LTF: variants seen among roughly 807,000 people sequenced by gnomAD.
LTF encodes the protein epididymis luminal protein 110.
Under a neutral mutation model 87.2 loss-of-function variants are expected in LTF, and 91 were observed. The observed-to-expected ratio is 1.04, with a 90% CI of 0.88 to 1.24. The LOEUF is 1.24. Ranked by LOEUF, LTF falls within the 50% of genes most tolerant of loss-of-function variation. The probability of loss-of-function intolerance (pLI) is 0.00; values close to 1 mark genes in which losing one functional copy is unlikely to be tolerated. For missense variants in LTF, 901 were observed against 904.3 expected (o/e 1.00, Z 0.05); for synonymous variants, 378 against 356.1 (o/e 1.06, Z -0.69).
Position 46,443,586 on chromosome 3 carries a change from G to A in LTF, c.1514-4C>T, listed in dbSNP as rs879176243. On this transcript the variant is annotated splice_region_variant and splice_polypyrimidine_tract_variant and intron_variant, in intron 12 of 16. Transcript: ENST00000231751. ...CAGCTTTGACTGAAATATTCATCTG[G>A]AGAGAAGGAACACGGGGAGTCAGCT... is the stretch of plus-strand genomic sequence containing the variant. The A allele has an allele frequency of 6.2e-7, 1 of 1,614,036 alleles. No individual in the cohort carries two copies. Among genetic ancestry groups the A allele is most frequent in the Non-Finnish European group, 8.5e-7 (1 of 1,180,032 alleles).
intron 1 of LTF, among the ~76,000 whole-genome samples, chr3:46,471,604 A>G (rs1703287285): frequency 6.6e-6 from 1 of 152,200 alleles, no homozygotes; most frequent in Non-Finnish European, 1.5e-5. Flanking sequence ...GAGGAGGACA[A>G]GCCCTGCATA....
At chr3:46,484,401 C>T (rs1250647458) in intron 1 of LTF, among the ~76,000 whole-genome samples, 1 of 152,172 alleles carries the variant, frequency 6.6e-6, no homozygotes, top group African/African-American at 2.4e-5. Flanking sequence ...GGTCCTGTGA[C>T]CATAATCCCC....
intron 13 of LTF, among the ~76,000 whole-genome samples, chr3:46,442,459 G>T (rs1185182770): frequency 6.6e-6 from 1 of 151,634 alleles, no homozygotes; most frequent in Non-Finnish European, 1.5e-5. Flanking sequence ...ATATTAAAAT[G>T]TGGGTGTTTC....
In LTF at chr3:46,439,288, G is replaced by T. The variant is rs777295100; in HGVS notation, c.1908+8C>A. 6.2e-7 allele frequency: 1 copy of T among 1,606,186 alleles called. No homozygotes were observed. Among genetic ancestry groups the T allele is most frequent in the Non-Finnish European group, 8.5e-7 (1 of 1,175,940 alleles). On this transcript the variant is annotated splice_region_variant and intron_variant, in intron 15 of 16. Transcript: ENST00000231751. ...CTAAGAAAGCACTAGAAGCCCTGTG[G>T]TCCATACCTGTTGGTGGAGCAACAC... is the stretch of plus-strand genomic sequence containing the variant.
upstream of LTF, among the ~76,000 whole-genome samples, chr3:46,467,972 C>A (rs1268061602): frequency 1.3e-5 from 2 of 152,210 alleles, no homozygotes; most frequent in Non-Finnish European, 2.9e-5. Context: ...CCCAGTCCCT[C>A]CAACCCTGAA....
At chr3:46,464,730 G>T in intron 1 of LTF, 95 bp downstream of exon 1, 1 of 1,411,578 alleles carries the variant, frequency 7.1e-7, no homozygotes, top group Non-Finnish European at 9.9e-7. Flanking sequence ...GAGACCCCGC[G>T]CCCAGCCAAC....
Position 46,448,903 on chromosome 3 carries a change from G to C in LTF, c.1172C>G (p.Ser391Cys), listed in dbSNP as rs755293483. 2 of 1,613,678 alleles carry C rather than the reference G, an allele frequency of 1.2e-6. No homozygotes were observed. The highest frequency in any genetic ancestry group is 1.3e-5 in the African/African-American group (1 of 74,990). Residue 391 changes from serine to cysteine, a missense_variant, in exon 9 of 17, where the codon TCC (serine) becomes TGC (cysteine). Ser to Cys is a moderately radical substitution (Grantham distance 112, BLOSUM62 -1). Transcript: ENST00000231751. The part of the protein sequence containing the change: ...SGLSEGSVTC[S>C]SASTTEDCIA... Reference sequence around the variant, plus strand: ...GCAGTCCTCTGTGGTGGAGGCCGAGGAGCAGGTCACGCTGCCTTCGCTCAA... The same window carrying C: ...GCAGTCCTCTGTGGTGGAGGCCGAGCAGCAGGTCACGCTGCCTTCGCTCAA...
intron 6 of LTF, among the ~76,000 whole-genome samples, chr3:46,453,601 G>A (rs1158965856): frequency 6.6e-6 from 1 of 152,124 alleles, no homozygotes; most frequent in Non-Finnish European, 1.5e-5. Flanking sequence ...AGTGGCCCTG[G>A]GTGGAATATA....
chr3:46,450,100 G>T (rs753169244), intron 7 of LTF, 72 bp from the exon 8 acceptor site: 32 of 1,233,356 alleles, frequency 2.6e-5, no homozygotes, highest in Non-Finnish European at 3.6e-5. Flanking sequence ...TGTTAAAAAA[G>T]AGTATCTGGA....
At chr3:46,464,583 T>C (rs987403318) in intron 1 of LTF, among the ~76,000 whole-genome samples, 1 of 152,150 alleles carries the variant, frequency 6.6e-6, no homozygotes, top group Non-Finnish European at 1.5e-5. Context: ...GGAGGCCTTT[T>C]GAGAAGCTCT....
intron 2 of LTF, among the ~76,000 whole-genome samples, chr3:46,457,069 G>A (rs531796523): frequency 9.8e-5 from 15 of 152,288 alleles, no homozygotes; most frequent in East Asian, 1.9e-4. Flanking sequence ...TAATGCCGCC[G>A]CTGATCTGAC....
At chr3:46,448,175 G>A (rs1160238139) in intron 9 of LTF, among the ~76,000 whole-genome samples, 1 of 152,086 alleles carries the variant, frequency 6.6e-6, no homozygotes, top group African/African-American at 2.4e-5. Flanking sequence ...ACGAGCCTGG[G>A]CAACAAAGCG....
At chr3:46,481,391 C>A (rs1348981504) in intron 1 of LTF, among the ~76,000 whole-genome samples, 2 of 152,198 alleles carry the variant, frequency 1.3e-5, no homozygotes, top group Non-Finnish European at 2.9e-5. Context: ...TGTGGTGGTT[C>A]ACACTTGTAA....
Position 46,439,461 on chromosome 3 carries a change from C to T in LTF, c.1743G>A (p.Trp581Ter), listed in dbSNP as rs778190309. ...QNTDGNNNEA[W>*]AKDLKLADFA... is the part of the protein sequence containing the mutation. Reference sequence around the variant, plus strand: ...AGTCTGCCAGCTTCAAATCCTTAGCCCATGCCTCATTGTTATTTCCTGGGG... The same window carrying T: ...AGTCTGCCAGCTTCAAATCCTTAGCTCATGCCTCATTGTTATTTCCTGGGG... The change falls in exon 15 of 17, where the codon TGG becomes TGA. Residue 581 changes from tryptophan to a stop codon, truncating the protein, a stop_gained. Transcript: ENST00000231751. LOFTEE classifies it high-confidence loss of function. 1.2e-6 allele frequency: 2 copies of T among 1,610,756 alleles called. No individual in the cohort carries two copies. The highest frequency in any genetic ancestry group is 1.7e-6 in the Non-Finnish European group (2 of 1,178,348).
In LTF at chr3:46,470,246, T is replaced by A. The variant is rs370694465; in HGVS notation, c.-214+115A>T. 6 of 152,386 alleles carry A rather than the reference T, an allele frequency of 3.9e-5. No homozygotes were observed. In the East Asian group the frequency reaches 5.8e-4, roughly 15 times the overall value. 9.4% of individuals were successfully genotyped at this position (152,386 alleles called of 1,614,324 possible). A position where few individuals can be genotyped will look rare whatever the true frequency, so the allele number is the denominator to read the frequency against. On this transcript the variant is annotated intron_variant, in intron 2 of 19. Transcript: ENST00000443496. ...GCAGGTCAGGCCCTGGGGGAGAGCC[T>A]TCTGGGAAGGTGCTGGCCTGGAGGG... is the stretch of plus-strand genomic sequence containing the variant.
upstream of LTF, chr3:46,465,252 T>G (rs182885888): frequency 4.0e-6 from 1 of 253,142 alleles, no homozygotes; most frequent in Admixed American, 5.4e-5. Context: ...GAAGATCGCC[T>G]TGACCTGTGA....
At chr3:46,443,309 C>G in intron 13 of LTF, 132 bp downstream of exon 13, 1 of 1,112,792 alleles carries the variant, frequency 9.0e-7, no homozygotes, top group Non-Finnish European at 1.3e-6. Flanking sequence ...ACTGGGGCCA[C>G]CCATGAGCTG....
rs1487818503 is a variant in LTF at position 46,464,860 on chromosome 3, A to T, written c.8T>A (p.Leu3His). Residue 3 changes from leucine to histidine, a missense_variant, in exon 1 of 17, where the codon CTT becomes CAT. Transcript: ENST00000231751. ...GAGGAACAGCAGGACGAGGAAGACA[A>T]GTTTCATGTCTGCGGTCTGGAGGCG... MKLVFLVLLFLGA... is the reference protein window; with the variant it reads MKHVFLVLLFLGA... 1 of 1,613,866 alleles carries T rather than the reference A, an allele frequency of 6.2e-7. No individual in the cohort carries two copies. Among genetic ancestry groups the T allele is most frequent in the South Asian group, 1.1e-5 (1 of 91,044 alleles).
upstream of LTF, chr3:46,468,129 G>A (rs780038857): frequency 2.9e-5 from 13 of 450,836 alleles, no homozygotes; most frequent in Non-Finnish European, 5.8e-5. Flanking sequence ...TGAGGAAGAG[G>A]AACAGGCTAA....
Sources: allele counts gnomAD v4.1 joint callset (sites outside exome capture counted in the v4.1 genomes callset), GRCh38; gene constraint gnomAD v4.1.1; transcripts MANE v1.5; gene names NCBI Gene and HGNC (gene_info 2026-07-23, HGNC 2026-07-21).